The following ADAMTSL1 variants were observed in gnomAD, a reference collection of about 807,000 sequenced individuals.
ADAMTSL1 encodes ADAMTS-like protein 1.
A neutral mutation model predicts 201.8 loss-of-function variants in ADAMTSL1; 126 were observed. The observed-to-expected ratio is 0.62, with a 90% CI of 0.54 to 0.72. ADAMTSL1 has a LOEUF of 0.72. ADAMTSL1 is among the 30% of genes least tolerant of loss of function. The probability of loss-of-function intolerance (pLI) is 0.00; values close to 1 mark genes in which losing one functional copy is unlikely to be tolerated. For missense variants in ADAMTSL1, 2,679 were observed against 2,277.8 expected (o/e 1.18, Z -3.59); for synonymous variants, 1,121 against 903.4 (o/e 1.24, Z -4.32).
Position 18,681,704 on chromosome 9 carries a change from G to C in ADAMTSL1, c.1342-108G>C, listed in dbSNP as rs1040019355. 8.4e-5 allele frequency: 60 copies of C among 716,266 alleles called. 4 individuals carry two copies. The highest frequency in any genetic ancestry group is 5.1e-4 in the Admixed American group (16 of 31,460). 44.4% of individuals were successfully genotyped at this position (716,266 alleles called of 1,614,324 possible). On this transcript the variant is annotated intron_variant, in intron 11 of 28. Transcript: ENST00000380548. ...TTACCAGGAGTCCTCGTGTGGGGGG[G>C]GGGGGCGGGGAAAAAGAAAACTTAG...
At chr9:18,021,138 A>G (rs1820465352) in intron 1 of ADAMTSL1, among the ~76,000 whole-genome samples, 2 of 152,144 alleles carry the variant, frequency 1.3e-5, no homozygotes. Context: ...TGCTTCTTAT[A>G]CAACACTATA....
chr9:18,391,740 C>T (rs1036621803), intron 2 of ADAMTSL1, among the ~76,000 whole-genome samples: 5 of 151,588 alleles, frequency 3.3e-5, no homozygotes, highest in Non-Finnish European at 7.4e-5. Flanking sequence ...TGTGATTCAA[C>T]AGAAAAGACA....
chr9:18,693,396 T>A (rs1292628970), intron 13 of ADAMTSL1, among the ~76,000 whole-genome samples: 5 of 152,184 alleles, frequency 3.3e-5, no homozygotes, highest in Non-Finnish European at 7.3e-5. Context: ...CTATAAGAAA[T>A]ATAAATGAAT....
Position 18,631,369 on chromosome 9 carries a change from T to C in ADAMTSL1, c.602-4574T>C, listed in dbSNP as rs562558992. 8.5e-5 allele frequency among the ~76,000 whole-genome samples: 13 copies of C among 152,312 alleles called. 1 individual carries two copies. The highest frequency in any genetic ancestry group is 2.6e-4 in the African/African-American group (11 of 41,574). ...CTCAGATGCTCAACTTCTTATTTTGTTGGATATATTTTAAGAGTAATAAAA... is the reference window on the plus strand; with the variant it reads ...CTCAGATGCTCAACTTCTTATTTTGCTGGATATATTTTAAGAGTAATAAAA... On this transcript the variant is annotated intron_variant, in intron 5 of 28. Transcript: ENST00000380548.
intron 2 of ADAMTSL1, among the ~76,000 whole-genome samples, chr9:18,168,482 T>A (rs1445530995): frequency 6.6e-6 from 1 of 151,988 alleles, no homozygotes; most frequent in Non-Finnish European, 1.5e-5. Flanking sequence ...TGCATAGTAT[T>A]CCATGGTATA....
At chr9:18,837,155 C>G (rs1396033164) in intron 23 of ADAMTSL1, among the ~76,000 whole-genome samples, 2 of 152,142 alleles carry the variant, frequency 1.3e-5, no homozygotes, top group Non-Finnish European at 2.9e-5. Context: ...AGGGCTCATT[C>G]TTTTAGCATT....
chr9:18,075,798 T>C (rs766104952), intron 1 of ADAMTSL1, among the ~76,000 whole-genome samples: 5 of 152,194 alleles, frequency 3.3e-5, no homozygotes, highest in Non-Finnish European at 5.9e-5. Context: ...ATTTCCAAGC[T>C]GAGTGTTGAA....
chr9:18,736,861 T>C (rs1398677133), intron 15 of ADAMTSL1, among the ~76,000 whole-genome samples: 1 of 152,234 alleles, frequency 6.6e-6, no homozygotes, highest in East Asian at 1.9e-4. Flanking sequence ...CCAACATTTA[T>C]GCCATTTCCA....
At chr9:17,943,258 G>A (rs2131352401) in intron 1 of ADAMTSL1, among the ~76,000 whole-genome samples, 1 of 152,182 alleles carries the variant, frequency 6.6e-6, no homozygotes, top group African/African-American at 2.4e-5. Context: ...GTACTTAAGA[G>A]TTTATAGTAA....
intron 1 of ADAMTSL1, among the ~76,000 whole-genome samples, chr9:18,046,421 A>G (rs10963412): frequency 0.04 from 6,121 of 152,262 alleles, 425 homozygotes; most frequent in East Asian, 0.37. Context: ...GTAAAGAGGC[A>G]TATAAGCCCT....
chr9:18,825,303 AAG>A (rs1438699362), intron 21 of ADAMTSL1, among the ~76,000 whole-genome samples: 2 of 152,134 alleles, frequency 1.3e-5, no homozygotes, highest in Non-Finnish European at 2.9e-5. Flanking sequence ...CTGGCTTCCA[AAG>A]AGAGAGCCCA....
intron 1 of ADAMTSL1, among the ~76,000 whole-genome samples, chr9:18,089,641 C>G (rs529184568): frequency 5.3e-5 from 8 of 152,124 alleles, no homozygotes; most frequent in African/African-American, 1.9e-4. Context: ...AACTTGAGAA[C>G]ATTATGCTAT....
chr9:18,414,917 A>G (rs1233330418), intron 2 of ADAMTSL1, among the ~76,000 whole-genome samples: 1 of 152,192 alleles, frequency 6.6e-6, no homozygotes, highest in African/African-American at 2.4e-5. Context: ...TGTTCCCACA[A>G]ACCAAACTGG....
intron 1 of ADAMTSL1, among the ~76,000 whole-genome samples, chr9:18,492,238 C>T (rs1022435605): frequency 6.6e-6 from 1 of 152,130 alleles, no homozygotes; most frequent in African/African-American, 2.4e-5. Flanking sequence ...AAAAAAACAT[C>T]ATTCCTTAAC....
chr9:18,848,943 G>C (rs878921989), intron 23 of ADAMTSL1, among the ~76,000 whole-genome samples: 70 of 152,214 alleles, frequency 4.6e-4, no homozygotes, highest in Admixed American at 4.3e-3. Context: ...AAAAAGGAAA[G>C]AGATTTTGCC....
intron 2 of ADAMTSL1, among the ~76,000 whole-genome samples, chr9:18,371,606 G>T (rs1279080735): frequency 1.3e-5 from 2 of 152,158 alleles, no homozygotes; most frequent in Non-Finnish European, 2.9e-5. Flanking sequence ...AAACACAAAA[G>T]GATAGTAAAG....
chr9:18,527,965 C>T (rs192081438), intron 2 of ADAMTSL1, among the ~76,000 whole-genome samples: 2 of 152,272 alleles, frequency 1.3e-5, no homozygotes, highest in African/African-American at 4.8e-5. Context: ...GCAAGCTCCA[C>T]CTCCTGGGTT....
rs73643208 is a variant in ADAMTSL1, at chr9:18,246,102, A to G, written c.207+82121A>G. 9.8e-3 allele frequency among the ~76,000 whole-genome samples: 1,495 copies of G among 152,282 alleles called. 22 individuals carry two copies. Among genetic ancestry groups the G allele is most frequent in the African/African-American group, 0.034 (1,396 of 41,566 alleles). ...AGACACAGATTCTGCCCTTGGGGAAACTATAAACAATCAAGACTTTTATTT... is the reference window on the plus strand; with the variant it reads ...AGACACAGATTCTGCCCTTGGGGAAGCTATAAACAATCAAGACTTTTATTT... On this transcript the variant is annotated intron_variant, in intron 2 of 29. Coordinates refer to the ADAMTSL1 transcript ENST00000680146.
chr9:18,780,997 T>C (rs1821357980), intron 19 of ADAMTSL1, among the ~76,000 whole-genome samples: 1 of 152,222 alleles, frequency 6.6e-6, no homozygotes, highest in Non-Finnish European at 1.5e-5. Context: ...CTGAACAATT[T>C]TTCGGCTTAG....
Sources: allele counts gnomAD v4.1 joint callset (sites outside exome capture counted in the v4.1 genomes callset), GRCh38; gene constraint gnomAD v4.1.1; transcripts MANE v1.5; gene names NCBI Gene and HGNC (gene_info 2026-07-23, HGNC 2026-07-21).